SETBP1: variants seen among roughly 807,000 people sequenced by gnomAD.
SETBP1 encodes the protein SET binding protein 1, also known as SET-binding protein.
In SETBP1, 9 loss-of-function variants were observed where a neutral mutation model predicts 101.0. The ratio of observed to expected loss-of-function variants is 0.09; its 90% CI spans 0.05 to 0.16. The LOEUF is 0.16. Among genes scored for constraint, SETBP1 ranks in the 10% least tolerant of loss-of-function variants. The pLI is 1.00. For synonymous variants in SETBP1, 818 were observed against 788.5 expected, an observed-to-expected ratio of 1.04 and a Z score of -0.63; for missense variants, 1,858 against 2,033.8, an observed-to-expected ratio of 0.91 and a Z score of 1.66.
intron 1 of SETBP1, among the ~76,000 whole-genome samples, chr18:44,689,920 T>C (rs2068901328): frequency 6.6e-6 from 1 of 152,150 alleles, no homozygotes; most frequent in African/African-American, 2.4e-5. Flanking sequence ...CCCACAGCTT[T>C]CCAAGTGCAG....
chr18:44,819,002 G>A (rs577912405), intron 2 of SETBP1, among the ~76,000 whole-genome samples: 2 of 151,862 alleles, frequency 1.3e-5, no homozygotes, highest in Admixed American at 1.3e-4. Flanking sequence ...GTCTGTGTGT[G>A]TGTGTGTATA....
intron 3 of SETBP1, among the ~76,000 whole-genome samples, chr18:44,922,839 G>A (rs2070612931): frequency 1.3e-5 from 2 of 152,152 alleles, no homozygotes; most frequent in Admixed American, 6.5e-5. Flanking sequence ...AACTTAAGAT[G>A]GTGTCAGTTG....
chr18:44,869,130 T>C, intron 2 of SETBP1, 100 bp from the exon 3 acceptor site: 1 of 1,049,840 alleles, frequency 9.5e-7, no homozygotes. Flanking sequence ...TCTGTAGCTC[T>C]CATCCAGGCT....
chr18:44,894,811 A>G (rs1599287900), intron 3 of SETBP1, among the ~76,000 whole-genome samples: 1 of 151,970 alleles, frequency 6.6e-6, no homozygotes, highest in East Asian at 2.0e-4. Flanking sequence ...TAAACAGAAG[A>G]CAATTTAAGT....
At chr18:44,975,925 G>A (rs551788924) in intron 4 of SETBP1, among the ~76,000 whole-genome samples, 1 of 152,288 alleles carries the variant, frequency 6.6e-6, no homozygotes, top group East Asian at 1.9e-4. Flanking sequence ...TAGTGGCCAA[G>A]CCTGGACCAG....
intron 3 of SETBP1, among the ~76,000 whole-genome samples, chr18:44,928,377 C>A (rs967201946): frequency 2.6e-5 from 4 of 152,154 alleles, no homozygotes; most frequent in Admixed American, 2.6e-4. Flanking sequence ...GTGAATAGTG[C>A]CACAATAAAC....
intron 2 of SETBP1, among the ~76,000 whole-genome samples, chr18:44,819,782 C>T (rs936634231): frequency 5.3e-5 from 8 of 152,162 alleles, no homozygotes; most frequent in Non-Finnish European, 1.2e-4. Context: ...AATCAGGCAA[C>T]AATTGGACCC....
intron 4 of SETBP1, among the ~76,000 whole-genome samples, chr18:45,006,758 CGAGGTAATA>C: frequency 6.6e-6 from 1 of 152,226 alleles, no homozygotes; most frequent in East Asian, 1.9e-4. Flanking sequence ...GGTCACTTTC[CGAGGTAATA>C]GGGGTTAAAA....
chr18:44,966,326 G>A (rs8083119), intron 4 of SETBP1, among the ~76,000 whole-genome samples: 45,476 of 151,890 alleles, frequency 0.3, 7,958 homozygotes, highest in East Asian at 0.55. Flanking sequence ...AAATGTCATA[G>A]TGAGCCCCTT....
chr18:44,855,751 A>G (rs76365305), intron 2 of SETBP1, among the ~76,000 whole-genome samples: 1 of 152,244 alleles, frequency 6.6e-6, no homozygotes, highest in Non-Finnish European at 1.5e-5. Context: ...CTGGTTAGTT[A>G]CAGTTACTCT....
rs144519165 is a variant in SETBP1, at chr18:44,991,214, G to A, written c.4000+37874G>A. On this transcript the variant is annotated intron_variant, in intron 4 of 5. Transcript: ENST00000649279. ...ACCAAGGTTGCGCCACTGCACTCCA[G>A]CCTGAGTGACAGAGCGAGACTGCAT... is the stretch of plus-strand genomic sequence containing the variant. Among the ~76,000 whole-genome samples the A allele has an allele frequency of 6.3e-3, 812 of 129,638 alleles. 3 individuals carry two copies. Among genetic ancestry groups the A allele is most frequent in the Admixed American group, 8.5e-3 (93 of 10,974 alleles). 85.0% of individuals were successfully genotyped at this position (129,638 alleles called of 152,430 possible). A position where few individuals can be genotyped will look rare whatever the true frequency, so the allele number is the denominator to read the frequency against.
chr18:44,782,055 G>A lies in SETBP1; in HGVS notation c.486+80223G>A, dbSNP rs1433946876. Among the ~76,000 whole-genome samples the A allele has an allele frequency of 2.6e-5, 4 of 152,292 alleles. No homozygotes were observed. In the East Asian group the frequency reaches 7.7e-4, roughly 29 times the overall value. On this transcript the variant is annotated intron_variant, in intron 2 of 5. Coordinates refer to ENST00000649279, the MANE Select transcript of SETBP1 (RefSeq NM_015559.3). Reference sequence around the variant, plus strand: ...GTATTGCATTATTCCCTTCTGGTCTGGGGATTAGGGAAAATGAAGTAGCTG... The same window carrying A: ...GTATTGCATTATTCCCTTCTGGTCTAGGGATTAGGGAAAATGAAGTAGCTG...
intron 3 of SETBP1, among the ~76,000 whole-genome samples, chr18:44,876,237 G>A (rs1377922892): frequency 1.3e-5 from 2 of 152,186 alleles, no homozygotes; most frequent in Non-Finnish European, 2.9e-5. Context: ...CAGGTTGCTT[G>A]TTTTGATTTC....
chr18:45,000,400 G>C (rs1055711854), intron 4 of SETBP1, among the ~76,000 whole-genome samples: 115 of 152,222 alleles, frequency 7.6e-4, no homozygotes, highest in African/African-American at 2.6e-3. Context: ...CAGGATGTTG[G>C]GCAGCCCATG....
chr18:44,722,900 T>C (rs931280257), intron 2 of SETBP1, among the ~76,000 whole-genome samples: 2 of 152,230 alleles, frequency 1.3e-5, no homozygotes, highest in African/African-American at 4.8e-5. Context: ...CAATATCCTA[T>C]GGGAAGGATA....
At chr18:45,010,952 A>C (rs1461035285) in intron 4 of SETBP1, among the ~76,000 whole-genome samples, 1 of 152,200 alleles carries the variant, frequency 6.6e-6, no homozygotes, top group Non-Finnish European at 1.5e-5. Flanking sequence ...TAATTTTATA[A>C]CTGGATATTG....
intron 2 of SETBP1, among the ~76,000 whole-genome samples, chr18:44,790,642 G>GGCT (rs2071349895): frequency 6.6e-6 from 1 of 152,178 alleles, no homozygotes; most frequent in Admixed American, 6.5e-5. Flanking sequence ...TCTCAGTATT[G>GGCT]GCTGCATGAC....
rs542536753 is a variant in SETBP1, at chr18:44,939,712, G to A, written c.541-10169G>A. Among the ~76,000 whole-genome samples, 17 of 152,260 alleles carry A rather than the reference G, an allele frequency of 1.1e-4. 1 individual carries two copies. Among genetic ancestry groups the A allele is most frequent in the African/African-American group, 1.2e-4 (5 of 41,540 alleles). ...TCAGTTGCTCCAGATCCTTGTCAACGTTTGTTATTTTCAGTCTCTTTCATT... is the reference window on the plus strand; with the variant it reads ...TCAGTTGCTCCAGATCCTTGTCAACATTTGTTATTTTCAGTCTCTTTCATT... On this transcript the variant is annotated intron_variant, in intron 3 of 5. Transcript: ENST00000649279.
At chr18:44,790,852 A>T (rs959177895) in intron 2 of SETBP1, among the ~76,000 whole-genome samples, 7 of 150,682 alleles carry the variant, frequency 4.6e-5, no homozygotes, top group Admixed American at 1.3e-4. Flanking sequence ...CTTTGGGGAG[A>T]TAAAAATGTA....
Sources: gnomAD v4.1 joint callset for allele counts (sites outside exome capture counted in the v4.1 genomes callset) on GRCh38, gnomAD v4.1.1 for gene constraint, MANE v1.5 for transcripts, NCBI Gene and HGNC (gene_info 2026-07-23, HGNC 2026-07-21) for gene names.